LRRC4C: variants seen among roughly 807,000 people sequenced by gnomAD.
LRRC4C encodes leucine rich repeat containing 4C.
In LRRC4C, 5 loss-of-function variants were observed where a neutral mutation model predicts 33.6. That is an observed-to-expected ratio of 0.15 (90% CI 0.08 to 0.31). LRRC4C has a LOEUF of 0.31. Ranked by LOEUF, LRRC4C falls within the 10% of genes least tolerant of loss-of-function variation. The pLI, the probability that LRRC4C is intolerant of heterozygous loss-of-function variation, is 1.00. For synonymous variants in LRRC4C, 329 were observed against 302.0 expected (o/e 1.09, Z -0.93); for missense variants, 560 against 796.7 (o/e 0.70, Z 3.58).
intron 1 of LRRC4C, among the ~76,000 whole-genome samples, chr11:41,156,082 G>C (rs972929721): frequency 6.6e-5 from 10 of 152,004 alleles, no homozygotes; most frequent in Non-Finnish European, 1.3e-4. Flanking sequence ...TCGATTCTTT[G>C]TAAAACCCAC....
chr11:40,542,052 C>CTCTTTTCTT (rs1555096425), intron 3 of LRRC4C, among the ~76,000 whole-genome samples: 2 of 149,260 alleles, frequency 1.3e-5, no homozygotes, highest in Non-Finnish European at 3.0e-5. Flanking sequence ...TTCTCTTTCT[C>CTCTTTTCTT]TCTTTCTTTC....
intron 1 of LRRC4C, among the ~76,000 whole-genome samples, chr11:41,090,843 C>G (rs1940362823): frequency 6.6e-6 from 1 of 152,076 alleles, no homozygotes; most frequent in South Asian, 2.1e-4. Context: ...CTTTGTTTTC[C>G]CTTTGCCTTC....
chr11:40,969,114 A>T (rs915143381), intron 1 of LRRC4C, among the ~76,000 whole-genome samples: 1 of 152,166 alleles, frequency 6.6e-6, no homozygotes, highest in Non-Finnish European at 1.5e-5. Flanking sequence ...GAAGAAGTTC[A>T]TTTCAACCAT....
At chr11:41,062,267 G>A (rs889469301) in intron 1 of LRRC4C, among the ~76,000 whole-genome samples, 7 of 151,926 alleles carry the variant, frequency 4.6e-5, no homozygotes, top group African/African-American at 7.3e-5. Context: ...CCTTCAAAAG[G>A]CACCAGTGTG....
intron 1 of LRRC4C, among the ~76,000 whole-genome samples, chr11:41,275,798 A>G (rs920526012): frequency 2.6e-5 from 4 of 152,220 alleles, no homozygotes; most frequent in African/African-American, 9.6e-5. Context: ...CTAACATTAC[A>G]TTAAATTGAT....
chr11:40,583,406 A>G (rs1156955336), intron 3 of LRRC4C, among the ~76,000 whole-genome samples: 1 of 152,188 alleles, frequency 6.6e-6, no homozygotes, highest in African/African-American at 2.4e-5. Flanking sequence ...AGCACCTTTA[A>G]TGGTGCCGCT....
At chr11:40,408,931 A>G (rs997424361) in intron 3 of LRRC4C, among the ~76,000 whole-genome samples, 8 of 152,006 alleles carry the variant, frequency 5.3e-5, no homozygotes, top group African/African-American at 1.9e-4. Context: ...TGGGACCACA[A>G]AAGACTCTGA....
intron 2 of LRRC4C, among the ~76,000 whole-genome samples, chr11:40,750,481 A>C (rs1031841079): frequency 2.6e-5 from 4 of 152,072 alleles, no homozygotes; most frequent in Non-Finnish European, 5.9e-5. Context: ...GCCATAAAAA[A>C]GGATGAGTTC....
chr11:41,101,345 G>A (rs1055965149), intron 1 of LRRC4C, among the ~76,000 whole-genome samples: 3 of 152,054 alleles, frequency 2.0e-5, no homozygotes, highest in African/African-American at 7.2e-5. Context: ...AAGAATATGA[G>A]CAGATACTTC....
At chr11:40,809,359 G>T (rs1188650813) in intron 2 of LRRC4C, among the ~76,000 whole-genome samples, 1 of 152,092 alleles carries the variant, frequency 6.6e-6, no homozygotes, top group Non-Finnish European at 1.5e-5. Flanking sequence ...CCTTTGGATT[G>T]CATTCTCCTT....
At chr11:40,453,575 C>T (rs1169467657) in intron 3 of LRRC4C, among the ~76,000 whole-genome samples, 3 of 149,090 alleles carry the variant, frequency 2.0e-5, no homozygotes, top group Admixed American at 1.3e-4. Flanking sequence ...TTTTATGATG[C>T]CAGTATTACC....
chr11:41,355,220 G>A (rs1952118526), intron 1 of LRRC4C, among the ~76,000 whole-genome samples: 1 of 152,034 alleles, frequency 6.6e-6, no homozygotes. Context: ...ATGAAAAAAT[G>A]CTCAGCATCC....
intron 4 of LRRC4C, among the ~76,000 whole-genome samples, chr11:40,274,414 GACACACACATACACAC>G (rs1307651328): frequency 1.6e-5 from 1 of 63,088 alleles, no homozygotes; most frequent in Non-Finnish European, 3.3e-5. Flanking sequence ...CTGCGGAATA[GACACACACATACACAC>G]ACACACACAC....
intron 2 of LRRC4C, among the ~76,000 whole-genome samples, chr11:40,817,593 C>T (rs1951757849): frequency 1.3e-5 from 2 of 152,132 alleles, no homozygotes; most frequent in African/African-American, 2.4e-5. Context: ...CCACTCCCAT[C>T]CAAATTTTGC....
chr11:40,245,037 T>C (rs1019153743), intron 4 of LRRC4C, among the ~76,000 whole-genome samples: 1 of 152,206 alleles, frequency 6.6e-6, no homozygotes, highest in African/African-American at 2.4e-5. Flanking sequence ...AGTTCATTTT[T>C]CAGCTACTTT....
intron 3 of LRRC4C, among the ~76,000 whole-genome samples, chr11:40,365,560 G>T (rs547444120): frequency 6.6e-6 from 1 of 151,870 alleles, no homozygotes; most frequent in Non-Finnish European, 1.5e-5. Context: ...AGGCAACTTT[G>T]GGGGGGCCCG....
chr11:40,654,984 G>A (rs1016089875), intron 2 of LRRC4C, among the ~76,000 whole-genome samples: 1 of 152,008 alleles, frequency 6.6e-6, no homozygotes, highest in African/African-American at 2.4e-5. Context: ...GCTGCCCTGT[G>A]AAGAGGTTCA....
intron 1 of LRRC4C, among the ~76,000 whole-genome samples, chr11:41,047,250 T>C (rs1454031671): frequency 6.6e-6 from 1 of 152,124 alleles, no homozygotes; most frequent in Non-Finnish European, 1.5e-5. Flanking sequence ...TATAAAAAGA[T>C]GCTCAACATC....
At chr11:40,452,323 C>G (rs996237789) in intron 3 of LRRC4C, among the ~76,000 whole-genome samples, 4 of 151,958 alleles carry the variant, frequency 2.6e-5, no homozygotes, top group Admixed American at 1.3e-4. Flanking sequence ...AGAACTCAAA[C>G]AAATTTACAA....
Sources: allele counts gnomAD v4.1 joint callset (sites outside exome capture counted in the v4.1 genomes callset), GRCh38; gene constraint gnomAD v4.1.1; transcripts MANE v1.5; gene names NCBI Gene and HGNC (gene_info 2026-07-23, HGNC 2026-07-21).